TMEM132E: variants seen among roughly 807,000 people sequenced by gnomAD.
TMEM132E encodes the protein transmembrane protein 132E.
Under a neutral mutation model 78.5 loss-of-function variants are expected in TMEM132E, and 49 were observed. The observed-to-expected ratio is 0.62, with a 90% CI of 0.50 to 0.79. The LOEUF (loss-of-function observed/expected upper bound fraction) is 0.79. Among genes scored for constraint, TMEM132E ranks in the 30% least tolerant of loss-of-function variants. The pLI is 0.00. For synonymous variants in TMEM132E, 715 were observed against 670.6 expected, an observed-to-expected ratio of 1.07 and a Z score of -1.02; for missense variants, 1,403 against 1,470.9, an observed-to-expected ratio of 0.95 and a Z score of 0.75.
In TMEM132E at chr17:34,620,014, A is replaced by G. The variant is rs73284084; in HGVS notation, c.68-6113A>G. ...ATGACAATTTTTTTTCTGATTTGCA[A>G]GAGATTAGTTTTAATTTGGAGACAA... On this transcript the variant is annotated intron_variant, in intron 1 of 8. Coordinates refer to ENST00000631683, the MANE Select transcript of TMEM132E (RefSeq NM_001304438.2). Among the ~76,000 whole-genome samples the G allele has an allele frequency of 3.6e-3, 549 of 152,328 alleles. 3 individuals are homozygous for G. The highest frequency in any genetic ancestry group is 0.013 in the African/African-American group (520 of 41,562).
chr17:34,635,112 C>T, intron 7 of TMEM132E, 25 bp downstream of exon 7: 1 of 1,582,304 alleles, frequency 6.3e-7, no homozygotes, highest in Non-Finnish European at 8.6e-7. Context: ...TGTCCCAGCA[C>T]AAAGGGGCAG....
rs184811848 is a variant in TMEM132E, at chr17:34,610,636, G to A, written c.68-15491G>A. Reference sequence around the variant, plus strand: ...CCCAAACACCGGTGCAAAGCAGCTGGTGTCGAGGCTCTTGACACTGTTGTG... The same window carrying A: ...CCCAAACACCGGTGCAAAGCAGCTGATGTCGAGGCTCTTGACACTGTTGTG... On this transcript the variant is annotated intron_variant, in intron 1 of 8. Transcript: ENST00000631683. 2.1e-3 allele frequency among the ~76,000 whole-genome samples: 314 copies of A among 152,316 alleles called. 1 individual carries two copies. Among genetic ancestry groups the A allele is most frequent in the African/African-American group, 7.2e-3 (299 of 41,564 alleles).
intron 1 of TMEM132E, among the ~76,000 whole-genome samples, chr17:34,584,515 A>T (rs1225751910): frequency 6.6e-6 from 1 of 152,182 alleles, no homozygotes; most frequent in East Asian, 1.9e-4. Flanking sequence ...GGGCATGCTT[A>T]CCTGTGCAAT....
intron 1 of TMEM132E, among the ~76,000 whole-genome samples, chr17:34,604,510 C>T (rs1906346453): frequency 6.6e-6 from 1 of 152,210 alleles, no homozygotes; most frequent in African/African-American, 2.4e-5. Context: ...GTGATCTGAA[C>T]TTGCCTTGCC....
chr17:34,595,697 C>G (rs1906034532), intron 1 of TMEM132E, among the ~76,000 whole-genome samples: 1 of 152,182 alleles, frequency 6.6e-6, no homozygotes, highest in Non-Finnish European at 1.5e-5. Flanking sequence ...AGGGTTAAGA[C>G]CCGTGTGCCT....
intron 1 of TMEM132E, among the ~76,000 whole-genome samples, chr17:34,613,211 A>ACACACGCACGCGCGCG: frequency 2.6e-5 from 3 of 115,856 alleles, no homozygotes; most frequent in East Asian, 3.3e-4. Flanking sequence ...ACACACACAC[A>ACACACGCACGCGCGCG]CGCGCGCGCG....
chr17:34,606,691 A>G lies in TMEM132E; in HGVS notation c.68-19436A>G, dbSNP rs144951113. ...ATGGTTCTTACATAGGTCCCCTGGC[A>G]AGTTGGAGGAGCTGGGCCACCCGGG... On this transcript the variant is annotated intron_variant, in intron 1 of 8. Transcript: ENST00000631683. Among the ~76,000 whole-genome samples, 253 of 152,282 alleles carry G rather than the reference A, an allele frequency of 1.7e-3. 1 individual carries two copies. Among genetic ancestry groups the G allele is most frequent in the Middle Eastern group, 3.4e-3 (1 of 294 alleles).
intron 1 of TMEM132E, among the ~76,000 whole-genome samples, chr17:34,594,366 C>G (rs1433442287): frequency 6.6e-6 from 1 of 152,196 alleles, no homozygotes; most frequent in African/African-American, 2.4e-5. Context: ...AAATGTATTC[C>G]TTCATTCACT....
chr17:34,605,494 C>T (rs1906382236), intron 1 of TMEM132E, among the ~76,000 whole-genome samples: 1 of 152,152 alleles, frequency 6.6e-6, no homozygotes, highest in African/African-American at 2.4e-5. Context: ...CCCCACCCTG[C>T]TGTCCTGCTT....
At chr17:34,619,893 G>A (rs917930115) in intron 1 of TMEM132E, among the ~76,000 whole-genome samples, 1 of 152,248 alleles carries the variant, frequency 6.6e-6, no homozygotes, top group African/African-American at 2.4e-5. Context: ...TGCACACAGA[G>A]GTGAGCAGGC....
intron 1 of TMEM132E, among the ~76,000 whole-genome samples, chr17:34,600,426 AGTGTGTGTGTGTGT>A (rs3220449): frequency 6.9e-6 from 1 of 144,038 alleles, no homozygotes; most frequent in East Asian, 2.1e-4. Context: ...AGCGTATATG[AGTGTGTGTGTGTGT>A]GTGTGTGTGT....
chr17:34,637,638 C>T lies in TMEM132E; in HGVS notation c.2631C>T (p.Phe877=). 6.2e-7 allele frequency: 1 copy of T among 1,606,172 alleles called. No individual in the cohort carries two copies. The highest frequency in any genetic ancestry group is 8.5e-7 in the Non-Finnish European group (1 of 1,178,906). ...TEDFLPLPTG[F]LQVPRGLTDL... is the part of the protein sequence containing the mutation. ...ACTTCCTGCCGCTGCCCACCGGCTT[C>T]CTGCAGGTGCCACGGGGTCTGACAG... Residue 877 remains phenylalanine, a synonymous_variant, in exon 9 of 9, where the codon TTC becomes TTT. Coordinates refer to ENST00000631683, the MANE Select transcript of TMEM132E (RefSeq NM_001304438.2).
chr17:34,583,165 A>G (rs1046546665), intron 1 of TMEM132E, among the ~76,000 whole-genome samples: 1 of 152,338 alleles, frequency 6.6e-6, no homozygotes. Context: ...CTGTCTCTCC[A>G]CACAGCCAGT....
At chr17:34,620,827 A>G (rs1906936962) in intron 1 of TMEM132E, among the ~76,000 whole-genome samples, 1 of 152,164 alleles carries the variant, frequency 6.6e-6, no homozygotes, top group South Asian at 2.1e-4. Flanking sequence ...CTGGGCATGG[A>G]AGGATGAGGG....
chr17:34,594,405 G>C (rs930016301), intron 1 of TMEM132E, among the ~76,000 whole-genome samples: 1 of 152,198 alleles, frequency 6.6e-6, no homozygotes, highest in African/African-American at 2.4e-5. Context: ...CCATATCCCA[G>C]CTGTGTGGTC....
Position 34,630,034 on chromosome 17 carries a change from T to G in TMEM132E, c.1365T>G (p.Ile455Met), listed in dbSNP as rs1190637689. ...ACACAGAGATCATCAACACGGCCAT[T>G]CTGACTGGCCGGACAGTGGCCATCC... The part of the protein sequence containing the change: ...AMDTEIINTA[I>M]LTGRTVAIPV... The change falls in exon 5 of 9, where the codon ATT (isoleucine) becomes ATG (methionine). Residue 455 changes from isoleucine to methionine, a missense_variant. Ile to Met is a conservative substitution (Grantham distance 10). Coordinates refer to ENST00000631683, the MANE Select transcript of TMEM132E (RefSeq NM_001304438.2). 1 of 1,612,194 alleles carries G rather than the reference T, an allele frequency of 6.2e-7. No homozygotes were observed. Among genetic ancestry groups the G allele is most frequent in the Non-Finnish European group, 8.5e-7 (1 of 1,178,520 alleles).
At position 34,634,819 on chromosome 17, in the gene TMEM132E, A is replaced by G. The variant is rs767013178; in HGVS notation, c.1709A>G (p.Asp570Gly). ...PDRRSVRESE[D>G]EDEEEEERRQ... ...CCCAGGTCAGTCCGGGAAAGCGAGG[A>G]TGAGGATGAGGAGGAGGAGGAGCGG... Residue 570 changes from aspartate to glycine, a missense_variant, in exon 7 of 9, where the codon GAT becomes GGT. Asp to Gly is a moderately conservative substitution (Grantham distance 94). Transcript: ENST00000631683. 1 of 1,613,676 alleles carries G rather than the reference A, an allele frequency of 6.2e-7. No individual in the cohort carries two copies. Among genetic ancestry groups the G allele is most frequent in the East Asian group, 2.2e-5 (1 of 44,872 alleles).
rs146065579 is a variant in TMEM132E at position 34,600,542 on chromosome 17, C to T, written c.67+19399C>T. On this transcript the variant is annotated intron_variant, in intron 1 of 8. Transcript: ENST00000631683. Reference sequence around the variant, plus strand: ...CTTGGGAGTCTGCCCTGAGGTTTGCCATGGGGCACCTGGATTGATATTCCC... The same window carrying T: ...CTTGGGAGTCTGCCCTGAGGTTTGCTATGGGGCACCTGGATTGATATTCCC... Among the ~76,000 whole-genome samples, 1,054 of 151,810 alleles carry T rather than the reference C, an allele frequency of 6.9e-3. 6 individuals carry two copies. The highest frequency in any genetic ancestry group is 0.014 in the Middle Eastern group (4 of 294).
intron 1 of TMEM132E, among the ~76,000 whole-genome samples, chr17:34,589,119 G>T (rs981804452): frequency 6.6e-6 from 1 of 152,198 alleles, no homozygotes; most frequent in African/African-American, 2.4e-5. Flanking sequence ...GGAGGGATGC[G>T]TAGCATTAAT....
Sources: allele counts gnomAD v4.1 joint callset (sites outside exome capture counted in the v4.1 genomes callset), GRCh38; gene constraint gnomAD v4.1.1; transcripts MANE v1.5; gene names NCBI Gene and HGNC (gene_info 2026-07-23, HGNC 2026-07-21).